The following DPP6 variants were observed in gnomAD, a reference collection of about 807,000 sequenced individuals.
DPP6 encodes dipeptidyl peptidase like 6.
Under a neutral mutation model 122.6 loss-of-function variants are expected in DPP6, and 69 were observed. That is an observed-to-expected ratio of 0.56 (90% CI 0.46 to 0.69). The LOEUF (loss-of-function observed/expected upper bound fraction) is 0.69, where lower values mean the gene tolerates loss of function less well. Ranked by LOEUF, DPP6 falls within the 30% of genes least tolerant of loss-of-function variation. The probability of loss-of-function intolerance (pLI) is 0.00; values close to 1 mark genes in which losing one functional copy is unlikely to be tolerated. For synonymous variants in DPP6, 418 were observed against 433.1 expected (o/e 0.97, Z 0.43); for missense variants, 928 against 1,116.9 (o/e 0.83, Z 2.41).
intron 2 of DPP6, among the ~76,000 whole-genome samples, chr7:154,452,062 C>G (rs1380710858): frequency 5.3e-5 from 8 of 152,222 alleles, no homozygotes; most frequent in Non-Finnish European, 1.2e-4. Context: ...GTCAAATTCA[C>G]TAATGTACAG....
At position 154,751,398 on chromosome 7, in the gene DPP6, G is replaced by A. The variant is rs1314155942; in HGVS notation, c.884-18019G>A. Among the ~76,000 whole-genome samples the A allele has an allele frequency of 4.0e-5, 6 of 151,238 alleles. 1 individual carries two copies. The highest frequency in any genetic ancestry group is 2.0e-4 in the Admixed American group (3 of 15,186). On this transcript the variant is annotated intron_variant, in intron 8 of 25. Coordinates refer to ENST00000377770, the MANE Select transcript of DPP6 (RefSeq NM_130797.4). ...GCCGATCACCTGAGGTCAGGAGTTC[G>A]AGACCAGCCTGGCCAACATGGCAAA...
chr7:154,165,612 C>G (rs958920282), intron 1 of DPP6, among the ~76,000 whole-genome samples: 38 of 151,714 alleles, frequency 2.5e-4, no homozygotes, highest in African/African-American at 8.8e-4. Context: ...AACTAGTTTA[C>G]AGTCCCACCA....
At chr7:154,545,366 G>T (rs1044185210) in intron 4 of DPP6, among the ~76,000 whole-genome samples, 1 of 151,860 alleles carries the variant, frequency 6.6e-6, no homozygotes, top group African/African-American at 2.4e-5. Flanking sequence ...ATGGTTGCCT[G>T]GTTCCTAAAG....
chr7:154,010,691 T>C (rs978929056), intron 1 of DPP6, among the ~76,000 whole-genome samples: 3 of 152,220 alleles, frequency 2.0e-5, no homozygotes, highest in African/African-American at 4.8e-5. Context: ...TTGCTTTTAT[T>C]AGTGATGAAT....
intron 3 of DPP6, among the ~76,000 whole-genome samples, chr7:154,515,739 G>T (rs1451188018): frequency 6.6e-6 from 1 of 152,154 alleles, no homozygotes; most frequent in Admixed American, 6.5e-5. Flanking sequence ...CTCCCAAAGT[G>T]CTGGGATTAC....
chr7:153,836,047 G>A, the DPP6 span, among the ~76,000 whole-genome samples: 1 of 152,140 alleles, frequency 6.6e-6, no homozygotes, highest in Non-Finnish European at 1.5e-5. Context: ...CTCTCCTTCT[G>A]GCTAAACATC....
chr7:154,209,583 A>G (rs1799630696), intron 1 of DPP6, among the ~76,000 whole-genome samples: 1 of 152,190 alleles, frequency 6.6e-6, no homozygotes, highest in Admixed American at 6.5e-5. Flanking sequence ...GCTGCGACTG[A>G]AAAAGATCCA....
intron 1 of DPP6, among the ~76,000 whole-genome samples, chr7:154,173,141 T>A (rs1797620407): frequency 6.6e-6 from 1 of 152,224 alleles, no homozygotes; most frequent in African/African-American, 2.4e-5. Context: ...ATAGCAGTTG[T>A]TTCTTGGCCT....
chr7:153,798,189 C>T, the DPP6 span, among the ~76,000 whole-genome samples: 2 of 152,272 alleles, frequency 1.3e-5, no homozygotes, highest in South Asian at 4.1e-4. Flanking sequence ...GGAGCCTCAC[C>T]TTCATGACCT....
the DPP6 span, among the ~76,000 whole-genome samples, chr7:153,795,112 A>G: frequency 6.6e-6 from 1 of 152,192 alleles, no homozygotes; most frequent in Non-Finnish European, 1.5e-5. Context: ...TTCTCTTATT[A>G]CCCTTTTAAT....
At chr7:154,028,724 G>A (rs2533803) in intron 1 of DPP6, among the ~76,000 whole-genome samples, 1 of 152,178 alleles carries the variant, frequency 6.6e-6, no homozygotes, top group African/African-American at 2.4e-5. Flanking sequence ...GGTAGGCCCC[G>A]CTCTGCCTGC....
At chr7:153,961,572 G>A (rs1795355189) in intron 1 of DPP6, among the ~76,000 whole-genome samples, 1 of 151,024 alleles carries the variant, frequency 6.6e-6, no homozygotes, top group Non-Finnish European at 1.5e-5. Flanking sequence ...AGTGGGGTGG[G>A]GTGGGATGGT....
chr7:154,495,604 G>T (rs961959551), intron 3 of DPP6, among the ~76,000 whole-genome samples: 1 of 152,016 alleles, frequency 6.6e-6, no homozygotes, highest in African/African-American at 2.4e-5. Context: ...TGGCCAGGCT[G>T]GTCTCCAACT....
intron 1 of DPP6, among the ~76,000 whole-genome samples, chr7:154,125,725 G>A (rs1807832057): frequency 6.6e-6 from 1 of 152,136 alleles, no homozygotes; most frequent in African/African-American, 2.4e-5. Flanking sequence ...TAGAGGCGAG[G>A]GTGAAGATAA....
chr7:153,776,209 G>A, the DPP6 span, among the ~76,000 whole-genome samples: 2 of 150,822 alleles, frequency 1.3e-5, no homozygotes, highest in Non-Finnish European at 2.9e-5. Context: ...ATTGCCAAAG[G>A]GTAGTGATAT....
chr7:154,619,448 GTTTGCTCACAAACCACTGAAGA>G (rs1834492778), intron 5 of DPP6, among the ~76,000 whole-genome samples: 2 of 152,202 alleles, frequency 1.3e-5, no homozygotes. Flanking sequence ...TGAAAAGAAT[GTTTGCTCACAAACCACTGAAGA>G]TGGCTTCACC....
rs4621711 is a variant in DPP6, at chr7:154,020,373, G to A, written c.51+132639G>A. Among the ~76,000 whole-genome samples, 262 of 151,416 alleles carry A rather than the reference G, an allele frequency of 1.7e-3. 1 individual carries two copies. The highest frequency in any genetic ancestry group is 6.0e-3 in the African/African-American group (247 of 41,210). ...AGTAGAAAGAAGGGGAAGAATAAAC[G>A]GTTGGAGAAGCTGCCTGATGACTTT... On this transcript the variant is annotated intron_variant, in intron 1 of 25. Coordinates refer to the DPP6 transcript ENST00000404039.
rs1182126838 is a variant in DPP6, at chr7:154,060,289, T to A, written c.243+7226T>A. ...CCGCGAGGCAGGGACTGAGAGGCAA[T>A]CCCTCTTCCCCCCCTGGCTCTTAGG... On this transcript the variant is annotated intron_variant, in intron 1 of 25. Transcript: ENST00000377770. 4.6e-4 allele frequency among the ~76,000 whole-genome samples: 15 copies of A among 32,410 alleles called. 1 individual carries two copies. Among genetic ancestry groups the A allele is most frequent in the African/African-American group, 1.4e-3 (11 of 7,764 alleles). 21.3% of individuals were successfully genotyped at this position (32,410 alleles called of 152,430 possible). A position where few individuals can be genotyped will look rare whatever the true frequency, so the allele number is the denominator to read the frequency against.
At chr7:153,792,544 G>A in the DPP6 span, among the ~76,000 whole-genome samples, 1 of 152,066 alleles carries the variant, frequency 6.6e-6, no homozygotes, top group Non-Finnish European at 1.5e-5. Context: ...TAGATGTAAG[G>A]CTACTCAAAT....
Sources: gnomAD v4.1 joint callset for allele counts (sites outside exome capture counted in the v4.1 genomes callset) on GRCh38, gnomAD v4.1.1 for gene constraint, MANE v1.5 for transcripts, NCBI Gene and HGNC (gene_info 2026-07-23, HGNC 2026-07-21) for gene names.